The following GPATCH2 variants were observed in gnomAD, a reference collection of about 807,000 sequenced individuals.
GPATCH2 encodes the protein G patch domain-containing protein 2.
A neutral mutation model predicts 58.0 loss-of-function variants in GPATCH2; 51 were observed. The observed-to-expected ratio is 0.88, with a 90% CI of 0.70 to 1.11. GPATCH2 has a LOEUF of 1.11. Among genes scored for constraint, GPATCH2 ranks in the 50% most tolerant of loss-of-function variants. The pLI is 0.00. For missense variants in GPATCH2, 625 were observed against 652.2 expected, an observed-to-expected ratio of 0.96 and a Z score of 0.45; for synonymous variants, 222 against 218.5, an observed-to-expected ratio of 1.02 and a Z score of -0.14.
At chr1:217,626,516 T>G (rs761858183) in intron 1 of GPATCH2, among the ~76,000 whole-genome samples, 2 of 152,100 alleles carry the variant, frequency 1.3e-5, no homozygotes, top group Non-Finnish European at 2.9e-5. Context: ...AACATGCAAA[T>G]GGTGAGCCTT....
At chr1:217,473,321 TCAC>T (rs1262769498) in intron 8 of GPATCH2, among the ~76,000 whole-genome samples, 1 of 141,146 alleles carries the variant, frequency 7.1e-6, no homozygotes, top group East Asian at 2.0e-4. Context: ...GTGTGTGTGT[TCAC>T]TTTAGCTAAT....
At position 217,516,211 on chromosome 1, in the gene GPATCH2, G is replaced by A. The variant is rs6697601; in HGVS notation, c.1099-1322C>T. ...ATACATTTACAGCAAAAGGCTTTAA[G>A]TTATGTTCCATTTTAATTTTAAAAA... On this transcript the variant is annotated intron_variant, in intron 5 of 9. Coordinates refer to ENST00000366935, the MANE Select transcript of GPATCH2 (RefSeq NM_018040.5). Among the ~76,000 whole-genome samples, 868 of 112,858 alleles carry A rather than the reference G, an allele frequency of 7.7e-3. 9 individuals are homozygous for A. Among genetic ancestry groups the A allele is most frequent in the African/African-American group, 0.029 (813 of 27,652 alleles). 74.0% of individuals were successfully genotyped at this position (112,858 alleles called of 152,430 possible). A position where few individuals can be genotyped will look rare whatever the true frequency, so the allele number is the denominator to read the frequency against.
intron 5 of GPATCH2, among the ~76,000 whole-genome samples, chr1:217,582,230 A>G (rs1003722309): frequency 2.0e-5 from 3 of 152,160 alleles, no homozygotes; most frequent in Admixed American, 2.0e-4. Context: ...TAACTGTCAC[A>G]GAAAAGACAA....
chr1:217,474,052 C>T (rs563805633), intron 8 of GPATCH2, among the ~76,000 whole-genome samples: 4 of 151,998 alleles, frequency 2.6e-5, no homozygotes, highest in East Asian at 1.9e-4. Context: ...TTACAATAAA[C>T]GTATGAATCA....
intron 1 of GPATCH2, among the ~76,000 whole-genome samples, chr1:217,626,509 A>G (rs1187205866): frequency 6.6e-6 from 1 of 152,208 alleles, no homozygotes; most frequent in Non-Finnish European, 1.5e-5. Context: ...GTGACTAAAC[A>G]TGCAAATGGT....
intron 5 of GPATCH2, among the ~76,000 whole-genome samples, chr1:217,517,408 T>C (rs545618885): frequency 6.6e-6 from 1 of 152,280 alleles, no homozygotes; most frequent in Admixed American, 6.5e-5. Flanking sequence ...GAGAACCTTT[T>C]GCTACTGTGG....
chr1:217,561,541 G>A (rs189499124), intron 5 of GPATCH2, among the ~76,000 whole-genome samples: 1 of 152,274 alleles, frequency 6.6e-6, no homozygotes, highest in East Asian at 1.9e-4. Context: ...CTTTTTAACT[G>A]CACAAAATAA....
rs189554429 is a variant in GPATCH2, at chr1:217,619,650, A to C, written c.773+133T>G. The C allele has an allele frequency of 4.9e-4, 206 of 420,200 alleles. 1 individual carries two copies. The East Asian group carries it at 7.2e-3, about 15-fold the overall frequency. The allele number at this position is 420,200 out of a possible 1,614,324, so 26.0% of individuals were successfully genotyped here. The stretch of plus-strand genomic sequence containing the variant: ...TCATAAAGTATAAGGAAATATAACC[A>C]TAGCTAAACAGTAATATCACTATCA... On this transcript the variant is annotated intron_variant, in intron 2 of 9. Coordinates refer to ENST00000366935, the MANE Select transcript of GPATCH2 (RefSeq NM_018040.5).
chr1:217,535,533 A>G (rs574584350), intron 5 of GPATCH2, among the ~76,000 whole-genome samples: 1 of 152,100 alleles, frequency 6.6e-6, no homozygotes, highest in Non-Finnish European at 1.5e-5. Flanking sequence ...TTATATTTTT[A>G]GTAGAGACGG....
chr1:217,555,110 A>C (rs902931295), intron 5 of GPATCH2, among the ~76,000 whole-genome samples: 1 of 152,162 alleles, frequency 6.6e-6, no homozygotes, highest in African/African-American at 2.4e-5. Flanking sequence ...CCACATTCTC[A>C]CTGTTAATGG....
chr1:217,528,280 G>A (rs1208509772), intron 5 of GPATCH2, among the ~76,000 whole-genome samples: 1 of 152,158 alleles, frequency 6.6e-6, no homozygotes, highest in East Asian at 1.9e-4. Context: ...ATCAGACTCT[G>A]TTAAGGGTAG....
chr1:217,574,613 C>T (rs979511107), intron 5 of GPATCH2, among the ~76,000 whole-genome samples: 1 of 152,154 alleles, frequency 6.6e-6, no homozygotes, highest in Admixed American at 6.6e-5. Flanking sequence ...TTTTGGGCAC[C>T]TGTGATGGAA....
intron 5 of GPATCH2, among the ~76,000 whole-genome samples, chr1:217,606,057 C>G (rs1277335782): frequency 6.6e-6 from 1 of 151,980 alleles, no homozygotes; most frequent in Non-Finnish European, 1.5e-5. Context: ...TAATTCCTCT[C>G]AACACAAAAA....
At chr1:217,619,517 C>T (rs1669075615) in intron 2 of GPATCH2, among the ~76,000 whole-genome samples, 1 of 152,052 alleles carries the variant, frequency 6.6e-6, no homozygotes, top group Non-Finnish European at 1.5e-5. Context: ...CATTCTTTTC[C>T]ACTGAAAATC....
At chr1:217,627,087 T>C (rs560771298) in intron 1 of GPATCH2, among the ~76,000 whole-genome samples, 7 of 152,130 alleles carry the variant, frequency 4.6e-5, no homozygotes, top group East Asian at 1.9e-4. Context: ...CTATAGGACA[T>C]TGGACAAATT....
chr1:217,499,761 C>G (rs1203283697), intron 6 of GPATCH2, among the ~76,000 whole-genome samples: 3 of 148,498 alleles, frequency 2.0e-5, no homozygotes, highest in Non-Finnish European at 4.5e-5. Flanking sequence ...TAAAGACAAA[C>G]ATTTTTCTTA....
intron 6 of GPATCH2, among the ~76,000 whole-genome samples, chr1:217,502,009 C>T (rs183749234): frequency 6.6e-6 from 1 of 151,902 alleles, no homozygotes; most frequent in Non-Finnish European, 1.5e-5. Flanking sequence ...CTCAAAAATC[C>T]ATTGACTATA....
At chr1:217,619,123 TAGC>T (rs1225092240) in intron 2 of GPATCH2, among the ~76,000 whole-genome samples, 2 of 152,164 alleles carry the variant, frequency 1.3e-5, no homozygotes, top group Admixed American at 1.3e-4. Context: ...TTCTTGCAAG[TAGC>T]ATCACTTCAT....
At position 217,432,695 on chromosome 1, in the gene GPATCH2, T is replaced by C. The variant is rs548646649; in HGVS notation, c.1367-1330A>G. Reference sequence around the variant, plus strand: ...TTATCAGAGCATTTCTTATGGTTACTCCCCTTTTAGAAGAAAGTGAATAAC... The same window carrying C: ...TTATCAGAGCATTTCTTATGGTTACCCCCCTTTTAGAAGAAAGTGAATAAC... On this transcript the variant is annotated intron_variant, in intron 9 of 9. Coordinates refer to ENST00000366935, the MANE Select transcript of GPATCH2 (RefSeq NM_018040.5). 5.9e-5 allele frequency among the ~76,000 whole-genome samples: 9 copies of C among 152,258 alleles called. No individual in the cohort carries two copies. In the East Asian group the frequency reaches 1.3e-3, roughly 23 times the overall value.
Sources: allele counts gnomAD v4.1 joint callset (sites outside exome capture counted in the v4.1 genomes callset), GRCh38; gene constraint gnomAD v4.1.1; transcripts MANE v1.5; gene names NCBI Gene and HGNC (gene_info 2026-07-23, HGNC 2026-07-21).